AGBL4: variants seen among roughly 807,000 people sequenced by gnomAD.
AGBL4 encodes the protein cytosolic carboxypeptidase 6.
In AGBL4, 58 loss-of-function variants were observed where a neutral mutation model predicts 66.4. The ratio of observed to expected loss-of-function variants is 0.87; its 90% confidence interval spans 0.71 to 1.09. The LOEUF is 1.09. Among genes scored for constraint, AGBL4 ranks in the 50% least tolerant of loss-of-function variants. The pLI, the probability that AGBL4 is intolerant of heterozygous loss-of-function variation, is 0.00. For synonymous variants in AGBL4, 234 were observed against 222.9 expected, an observed-to-expected ratio of 1.05 and a Z score of -0.44; for missense variants, 579 against 631.0, an observed-to-expected ratio of 0.92 and a Z score of 0.88.
At chr1:49,985,493 T>C (rs1019125778) in intron 1 of AGBL4, among the ~76,000 whole-genome samples, 1 of 152,142 alleles carries the variant, frequency 6.6e-6, no homozygotes, top group Non-Finnish European at 1.5e-5. Context: ...ATCACAAGTA[T>C]AGACTTTCAA....
chr1:49,181,476 C>A (rs1646929878), intron 4 of AGBL4, among the ~76,000 whole-genome samples: 1 of 152,196 alleles, frequency 6.6e-6, no homozygotes, highest in Non-Finnish European at 1.5e-5. Context: ...AGCTCTACTA[C>A]CTCCTGGCTG....
chr1:49,405,949 G>A (rs952600979), intron 3 of AGBL4, among the ~76,000 whole-genome samples: 13 of 152,186 alleles, frequency 8.5e-5, no homozygotes, highest in Non-Finnish European at 1.8e-4. Context: ...ACTCAGTTTA[G>A]GAAATGCTTA....
At chr1:48,835,044 ACCCCAGG>A (rs1168375527) in intron 6 of AGBL4, among the ~76,000 whole-genome samples, 1 of 152,056 alleles carries the variant, frequency 6.6e-6, no homozygotes. Context: ...TCTATCATAG[ACCCCAGG>A]GTTCCTCTGT....
At chr1:49,807,036 A>G (rs1234737011) in intron 2 of AGBL4, among the ~76,000 whole-genome samples, 1 of 152,134 alleles carries the variant, frequency 6.6e-6, no homozygotes, top group African/African-American at 2.4e-5. Flanking sequence ...ATTTTGGAGG[A>G]TGGAGCCTCC....
At chr1:49,317,784 A>G (rs1176040957) in intron 3 of AGBL4, among the ~76,000 whole-genome samples, 1 of 152,018 alleles carries the variant, frequency 6.6e-6, no homozygotes, top group African/African-American at 2.4e-5. Context: ...TAACATCTTT[A>G]ATACAGGATA....
chr1:49,261,508 A>T (rs1389062640), intron 3 of AGBL4, among the ~76,000 whole-genome samples: 23 of 149,700 alleles, frequency 1.5e-4, no homozygotes, highest in African/African-American at 5.6e-4. Flanking sequence ...ATTCTTATAC[A>T]CCAATAACAG....
chr1:50,019,302 TCTCTCACACACACACA>T (rs1662254624), intron 1 of AGBL4, among the ~76,000 whole-genome samples: 1 of 70,750 alleles, frequency 1.4e-5, no homozygotes, highest in Non-Finnish European at 2.8e-5. Flanking sequence ...TCTCTCTCTC[TCTCTCACACACACACA>T]CACACACACA....
chr1:49,432,270 C>G (rs1281226208), intron 3 of AGBL4, among the ~76,000 whole-genome samples: 1 of 152,128 alleles, frequency 6.6e-6, no homozygotes, highest in Admixed American at 6.5e-5. Context: ...CACACTTACA[C>G]GTAGACATAT....
At chr1:49,321,710 T>C (rs985310604) in intron 3 of AGBL4, among the ~76,000 whole-genome samples, 2 of 152,238 alleles carry the variant, frequency 1.3e-5, no homozygotes, top group Non-Finnish European at 2.9e-5. Context: ...GTTTATAATG[T>C]GTTATGTTCA....
intron 6 of AGBL4, among the ~76,000 whole-genome samples, chr1:48,863,637 G>A (rs1362038470): frequency 1.3e-5 from 2 of 152,008 alleles, no homozygotes; most frequent in East Asian, 1.9e-4. Context: ...CAATAGTATC[G>A]AGAAGAAAAT....
At chr1:49,803,517 T>A (rs535590554) in intron 2 of AGBL4, among the ~76,000 whole-genome samples, 7 of 152,206 alleles carry the variant, frequency 4.6e-5, no homozygotes, top group Non-Finnish European at 7.4e-5. Flanking sequence ...GCATTGTTTA[T>A]TGAAATTAAA....
intron 6 of AGBL4, among the ~76,000 whole-genome samples, chr1:48,744,712 C>T (rs906792751): frequency 6.6e-6 from 1 of 152,240 alleles, no homozygotes; most frequent in African/African-American, 2.4e-5. Context: ...ATGACCCTGT[C>T]TTTCCTTGCT....
intron 3 of AGBL4, among the ~76,000 whole-genome samples, chr1:49,669,299 C>T (rs1439913376): frequency 1.3e-5 from 2 of 151,958 alleles, no homozygotes; most frequent in African/African-American, 2.4e-5. Context: ...CACAGAGAGC[C>T]CAACTCATGA....
At chr1:49,088,271 T>C (rs796361563) in intron 4 of AGBL4, among the ~76,000 whole-genome samples, 1 of 152,290 alleles carries the variant, frequency 6.6e-6, no homozygotes, top group African/African-American at 2.4e-5. Context: ...AATACCTCAA[T>C]TAAAAGGCAC....
chr1:48,911,232 T>C (rs1226113556), intron 5 of AGBL4, among the ~76,000 whole-genome samples: 3 of 152,216 alleles, frequency 2.0e-5, no homozygotes, highest in African/African-American at 7.2e-5. Flanking sequence ...ACATACTTCC[T>C]GCTTATGAGG....
chr1:49,559,862 T>G (rs1305490), intron 3 of AGBL4, among the ~76,000 whole-genome samples: 1 of 152,008 alleles, frequency 6.6e-6, no homozygotes, highest in Non-Finnish European at 1.5e-5. Context: ...GAAATTGTAC[T>G]TTGTGATAGT....
intron 6 of AGBL4, among the ~76,000 whole-genome samples, chr1:48,725,728 C>A (rs796073481): frequency 1.3e-5 from 2 of 152,228 alleles, no homozygotes; most frequent in Admixed American, 6.5e-5. Flanking sequence ...TTTTTGAGCC[C>A]ATTTCTTCAT....
At chr1:49,236,133 G>A (rs2148307730) in intron 4 of AGBL4, among the ~76,000 whole-genome samples, 1 of 152,146 alleles carries the variant, frequency 6.6e-6, no homozygotes, top group East Asian at 1.9e-4. Flanking sequence ...AGGAACAAGT[G>A]ATTCTTCTGC....
chr1:49,613,511 A>G (rs1013538860), intron 3 of AGBL4, among the ~76,000 whole-genome samples: 2 of 152,154 alleles, frequency 1.3e-5, no homozygotes, highest in African/African-American at 4.8e-5. Flanking sequence ...TATCACTCAC[A>G]TTACTGCCTG....
Sources: allele counts gnomAD v4.1 joint callset (sites outside exome capture counted in the v4.1 genomes callset), GRCh38; gene constraint gnomAD v4.1.1; transcripts MANE v1.5; gene names NCBI Gene and HGNC (gene_info 2026-07-23, HGNC 2026-07-21).